Variants in RIMBP2 observed in about 807,000 individuals in gnomAD.
RIMBP2 encodes RIMS-binding protein 2.
RIMBP2 carries 48 observed loss-of-function variants against 118.6 expected under a neutral mutation model. The ratio of observed to expected loss-of-function variants is 0.40; its 90% CI spans 0.32 to 0.51. The LOEUF is 0.51. Ranked by LOEUF, RIMBP2 falls within the 20% of genes least tolerant of loss-of-function variation. The probability of loss-of-function intolerance (pLI) is 0.41; values close to 1 mark genes in which losing one functional copy is unlikely to be tolerated. For synonymous variants in RIMBP2, 762 were observed against 742.9 expected (o/e 1.03, Z -0.42); for missense variants, 1,551 against 1,768.3 (o/e 0.88, Z 2.20).
chr12:130,642,873 C>T (rs888481498), intron 1 of RIMBP2, among the ~76,000 whole-genome samples: 2 of 152,190 alleles, frequency 1.3e-5, no homozygotes, highest in Non-Finnish European at 2.9e-5. Context: ...GTCACGTGCC[C>T]TCTCGGCCAG....
intron 1 of RIMBP2, among the ~76,000 whole-genome samples, chr12:130,634,108 T>C (rs980929822): frequency 6.6e-6 from 1 of 152,192 alleles, no homozygotes; most frequent in African/African-American, 2.4e-5. Flanking sequence ...AACCTGTCCT[T>C]CGACAACGAG....
chr12:130,593,234 C>G (rs1343249487), intron 2 of RIMBP2, among the ~76,000 whole-genome samples: 1 of 152,210 alleles, frequency 6.6e-6, no homozygotes, highest in Non-Finnish European at 1.5e-5. Context: ...GTAGTGGCAG[C>G]CGCCCTCATC....
rs896835850 is a variant in RIMBP2, at chr12:130,578,998, G to A, written c.-217+49324C>T. On this transcript the variant is annotated intron_variant, in intron 2 of 22. Transcript: ENST00000690449. The surrounding 1 kb of genome is among the most constrained non-coding windows in gnomAD (Gnocchi z 4.1). ...TCACATCCATTGGTTCAGATTTCAA[G>A]GACAAATCAGTTATTTCTCAGGATC... Among the ~76,000 whole-genome samples the A allele has an allele frequency of 2.0e-5, 3 of 152,182 alleles. No homozygotes were observed. The highest frequency in any genetic ancestry group is 4.4e-5 in the Non-Finnish European group (3 of 68,038).
At chr12:130,518,329 TAA>T (rs1428247266) in intron 2 of RIMBP2, among the ~76,000 whole-genome samples, 3 of 152,126 alleles carry the variant, frequency 2.0e-5, no homozygotes, top group African/African-American at 7.2e-5. Flanking sequence ...AAAAATAAGA[TAA>T]AGCATTCTAA....
chr12:130,635,699 T>G (rs922229795), intron 1 of RIMBP2, among the ~76,000 whole-genome samples: 1 of 152,118 alleles, frequency 6.6e-6, no homozygotes, highest in Non-Finnish European at 1.5e-5. Context: ...GCTATCTCAT[T>G]GTGGCACCTG....
intron 12 of RIMBP2, 21 bp downstream of exon 12, chr12:130,438,341 CCCA>C: frequency 2.9e-6 from 4 of 1,387,640 alleles, no homozygotes; most frequent in Non-Finnish European, 4.1e-6. Context: ...ACAAACCCTC[CCCA>C]CCCACCCAAC....
chr12:130,497,285 G>A (rs1247229858), intron 4 of RIMBP2, among the ~76,000 whole-genome samples: 1 of 152,162 alleles, frequency 6.6e-6, no homozygotes, highest in Non-Finnish European at 1.5e-5. Context: ...CTACCCCTCT[G>A]TCCAGAAGCT....
rs2076611056 is a variant in RIMBP2, at chr12:130,424,211, T to C, written c.3060A>G (p.Ile1020Met). 1 of 1,231,888 alleles carries C rather than the reference T, an allele frequency of 8.1e-7. No homozygotes were observed. The highest frequency in any genetic ancestry group is 1.6e-5 in the African/African-American group (1 of 64,362). 76.3% of individuals were successfully genotyped at this position (1,231,888 alleles called of 1,614,324 possible). ...CAGCTGCCCTACTGTCGGGCATGGTTATGCTTTTCTTCCAGACACCCCGAA... is the reference window on the plus strand; with the variant it reads ...CAGCTGCCCTACTGTCGGGCATGGTCATGCTTTTCTTCCAGACACCCCGAA... ...QDFRGVWKKS[I>M]TMPDSRAAAP... Residue 1020 changes from isoleucine (I) to methionine (M), a missense_variant, in exon 16 of 23, where the codon ATA becomes ATG. Physicochemically the swap from Ile to Met is conservative, Grantham distance 10. This residue lies in a region of RIMBP2 where 1,038 missense variants were observed against 1,125.1 expected (regional missense o/e 0.92). Coordinates refer to ENST00000690449, the MANE Select transcript of RIMBP2 (RefSeq NM_001393629.1). This position sits in a 1 kb window ranked among gnomAD's most constrained non-coding sequence, Gnocchi z 9.8.
Position 130,617,049 on chromosome 12 carries a change from A to G in RIMBP2, c.-217+11273T>C, listed in dbSNP as rs559435039. 5.9e-5 allele frequency among the ~76,000 whole-genome samples: 9 copies of G among 151,814 alleles called. No homozygotes were observed. The South Asian group carries it at 1.9e-3, about 32-fold the overall frequency. On this transcript the variant is annotated intron_variant, in intron 2 of 22. Transcript: ENST00000690449. This position sits in a 1 kb window ranked among gnomAD's most constrained non-coding sequence, Gnocchi z 4.6. ...CCATGTCCCACTGATGAGAGGTTCC[A>G]CCCCATCTCTCATTTTTCCAGGACT... is the stretch of plus-strand genomic sequence containing the variant.
chr12:130,591,452 T>A (rs747008041), intron 2 of RIMBP2, among the ~76,000 whole-genome samples: 11 of 152,216 alleles, frequency 7.2e-5, no homozygotes, highest in Non-Finnish European at 1.3e-4. Flanking sequence ...TTCCTAGGAC[T>A]GCCTTGACAC....
At chr12:130,483,464 T>C (rs1486714248) in intron 4 of RIMBP2, among the ~76,000 whole-genome samples, 1 of 152,214 alleles carries the variant, frequency 6.6e-6, no homozygotes, top group African/African-American at 2.4e-5. Flanking sequence ...AATATACTTT[T>C]ACTTTTTATA....
At position 130,424,136 on chromosome 12, in the gene RIMBP2, A is replaced by T. The variant is rs1291397344; in HGVS notation, c.3129+6T>A. 1.6e-6 allele frequency: 2 copies of T among 1,224,358 alleles called. No individual in the cohort carries two copies. Among genetic ancestry groups the T allele is most frequent in the South Asian group, 8.3e-5 (2 of 24,182 alleles). 75.8% of individuals were successfully genotyped at this position (1,224,358 alleles called of 1,614,324 possible). On this transcript the variant is annotated splice_donor_region_variant and intron_variant, in intron 16 of 22. Coordinates refer to ENST00000690449, the MANE Select transcript of RIMBP2 (RefSeq NM_001393629.1). The surrounding 1 kb of genome is among the most constrained non-coding windows in gnomAD (Gnocchi z 9.8). ...CGGCTGTGAAAAGGAAGTTTAGGTC[A>T]CACACCAGGGGGCCTTGTGCGACTC...
intron 7 of RIMBP2, among the ~76,000 whole-genome samples, chr12:130,454,490 T>G (rs545555865): frequency 1.3e-5 from 2 of 151,788 alleles, no homozygotes; most frequent in East Asian, 3.9e-4. Context: ...ACATGCACTG[T>G]GAGGGGAGTG....
chr12:130,541,722 G>A (rs1197074304), intron 2 of RIMBP2, among the ~76,000 whole-genome samples: 2 of 152,242 alleles, frequency 1.3e-5, no homozygotes, highest in Non-Finnish European at 2.9e-5. Flanking sequence ...GTTATCAGGA[G>A]CAACAGCTGA....
In RIMBP2 at chr12:130,446,637, G is replaced by A. The variant is rs11060892; in HGVS notation, c.582-1368C>T. Among the ~76,000 whole-genome samples, 27,851 of 152,164 alleles carry A rather than the reference G, an allele frequency of 0.18. 2,660 individuals are homozygous for A. Among genetic ancestry groups the A allele is most frequent in the Middle Eastern group, 0.27 (79 of 294 alleles). ...CTAACACAAAGCTCGGCAGTGGAAC[G>A]GGACAAGAGCTCTGGAAGAAGGAAT... On this transcript the variant is annotated intron_variant, in intron 9 of 22. Transcript: ENST00000690449. The surrounding 1 kb of genome is among the most constrained non-coding windows in gnomAD (Gnocchi z 4.1).
chr12:130,571,238 G>A (rs2057618523), intron 2 of RIMBP2, among the ~76,000 whole-genome samples: 1 of 151,856 alleles, frequency 6.6e-6, no homozygotes, highest in African/African-American at 2.4e-5. Flanking sequence ...AGCCAGGGGA[G>A]GGGAAGTGGG....
In RIMBP2 at chr12:130,422,765, G is replaced by A. The variant is rs116555372; in HGVS notation, c.3130-204C>T. On this transcript the variant is annotated intron_variant, in intron 16 of 22. Coordinates refer to ENST00000690449, the MANE Select transcript of RIMBP2 (RefSeq NM_001393629.1). The surrounding 1 kb of genome is among the most constrained non-coding windows in gnomAD (Gnocchi z 5.2). The stretch of plus-strand genomic sequence containing the variant: ...TGTCTACTCGGAGCCGCTGCTGGGC[G>A]CATGGTGGGGTGAGGGCAAAAATAA... Among the ~76,000 whole-genome samples, 149 of 152,352 alleles carry A rather than the reference G, an allele frequency of 9.8e-4. 1 individual carries two copies. Among genetic ancestry groups the A allele is most frequent in the African/African-American group, 3.5e-3 (144 of 41,586 alleles).
At chr12:130,689,439 T>C (rs1256755010) in intron 1 of RIMBP2, among the ~76,000 whole-genome samples, 1 of 151,954 alleles carries the variant, frequency 6.6e-6, no homozygotes, top group Non-Finnish European at 1.5e-5. Context: ...ATCTCAAAAA[T>C]TAATTAATTA....
In RIMBP2 at chr12:130,628,668, A is replaced by T. The variant is rs183422337; in HGVS notation, c.-351-212T>A. 2.7e-3 allele frequency among the ~76,000 whole-genome samples: 404 copies of T among 152,186 alleles called. 4 individuals carry two copies. The highest frequency in any genetic ancestry group is 9.3e-3 in the African/African-American group (385 of 41,508). On this transcript the variant is annotated intron_variant, in intron 1 of 22. Transcript: ENST00000690449. Reference sequence around the variant, plus strand: ...AGCCTGAGATTTTTCTTTCCCTTCAACCAAATTTCCTGGTATGGAACAGTG... The same window carrying T: ...AGCCTGAGATTTTTCTTTCCCTTCATCCAAATTTCCTGGTATGGAACAGTG...
Sources: allele counts gnomAD v4.1 joint callset (sites outside exome capture counted in the v4.1 genomes callset), GRCh38; gene constraint gnomAD v4.1.1; regional missense constraint gnomAD v4.1.1; non-coding constraint Gnocchi (gnomAD v3.1); transcripts MANE v1.5; gene names NCBI Gene and HGNC (gene_info 2026-07-23, HGNC 2026-07-21).